MACROD2: variants seen among roughly 807,000 people sequenced by gnomAD.
MACROD2 encodes ADP-ribose glycohydrolase MACROD2.
A neutral mutation model predicts 70.4 loss-of-function variants in MACROD2; 36 were observed. The observed-to-expected ratio is 0.51, with a 90% CI of 0.39 to 0.68. The LOEUF is 0.68. Among genes scored for constraint, MACROD2 ranks in the 30% least tolerant of loss-of-function variants. The probability of loss-of-function intolerance (pLI) is 0.00; values close to 1 mark genes in which losing one functional copy is unlikely to be tolerated. For missense variants in MACROD2, 496 were observed against 538.4 expected (o/e 0.92, Z 0.78); for synonymous variants, 172 against 178.8 (o/e 0.96, Z 0.30).
chr20:14,848,734 TC>T (rs2073168629), intron 5 of MACROD2, among the ~76,000 whole-genome samples: 1 of 152,170 alleles, frequency 6.6e-6, no homozygotes, highest in African/African-American at 2.4e-5. Flanking sequence ...GAGAGGCATT[TC>T]CTGGGAGCTG....
chr20:15,583,260 C>T (rs1281530181), intron 8 of MACROD2, among the ~76,000 whole-genome samples: 1 of 152,182 alleles, frequency 6.6e-6, no homozygotes, highest in Non-Finnish European at 1.5e-5. Flanking sequence ...TCTACAACTT[C>T]TTAGCTTAGA....
chr20:15,920,543 A>AT (rs1423725244), intron 10 of MACROD2, among the ~76,000 whole-genome samples: 1 of 152,054 alleles, frequency 6.6e-6, no homozygotes, highest in Non-Finnish European at 1.5e-5. Flanking sequence ...ATTTGACCTC[A>AT]TTTTTTATTA....
chr20:14,764,116 T>C lies in MACROD2; in HGVS notation c.418+79157T>C, dbSNP rs538404495. Among the ~76,000 whole-genome samples the C allele has an allele frequency of 2.6e-5, 4 of 152,124 alleles. No individual in the cohort carries two copies. The East Asian group carries it at 7.8e-4, about 29-fold the overall frequency. On this transcript the variant is annotated intron_variant, in intron 5 of 17. Coordinates refer to ENST00000684519, the MANE Select transcript of MACROD2 (RefSeq NM_001351661.2). The stretch of plus-strand genomic sequence containing the variant: ...CTGGCATTACCCGACTCCCTTGCCA[T>C]TTCTTATGGTGAGGCATTGGCAGGA...
intron 5 of MACROD2, among the ~76,000 whole-genome samples, chr20:15,147,196 A>C (rs1042863865): frequency 1.3e-5 from 2 of 152,134 alleles, no homozygotes; most frequent in Admixed American, 6.5e-5. Context: ...TTATTTCAGA[A>C]TTTTAATTCA....
intron 5 of MACROD2, among the ~76,000 whole-genome samples, chr20:15,016,406 T>C (rs1446669863): frequency 6.6e-6 from 1 of 152,056 alleles, no homozygotes; most frequent in Non-Finnish European, 1.5e-5. Context: ...CCTGATATGG[T>C]TTGGATGTTT....
At chr20:15,025,782 TG>T (rs2075226417) in intron 5 of MACROD2, among the ~76,000 whole-genome samples, 1 of 152,082 alleles carries the variant, frequency 6.6e-6, no homozygotes, top group Non-Finnish European at 1.5e-5. Flanking sequence ...CAGATGCCAT[TG>T]GCACCTCCCA....
intron 8 of MACROD2, among the ~76,000 whole-genome samples, chr20:15,765,757 C>G (rs2051512503): frequency 6.6e-6 from 1 of 152,190 alleles, no homozygotes; most frequent in Non-Finnish European, 1.5e-5. Context: ...GATATATACA[C>G]ATGTGTGTAG....
intron 8 of MACROD2, among the ~76,000 whole-genome samples, chr20:15,588,474 C>CA (rs935534407): frequency 2.6e-5 from 4 of 151,886 alleles, no homozygotes; most frequent in African/African-American, 2.4e-5. Context: ...AATTTCTCCT[C>CA]AAAAAAAATG....
chr20:14,251,280 GTAC>G (rs1287654655), intron 3 of MACROD2, among the ~76,000 whole-genome samples: 2 of 152,066 alleles, frequency 1.3e-5, no homozygotes, highest in Non-Finnish European at 2.9e-5. Flanking sequence ...TTCGATAAAA[GTAC>G]TTTAAGAAAG....
intron 5 of MACROD2, among the ~76,000 whole-genome samples, chr20:14,880,156 G>C (rs1397169893): frequency 6.6e-6 from 1 of 152,134 alleles, no homozygotes; most frequent in Non-Finnish European, 1.5e-5. Context: ...TGTCATGACA[G>C]GATCTGAGAT....
chr20:15,241,892 T>G (rs895404348), intron 6 of MACROD2, among the ~76,000 whole-genome samples: 1 of 151,976 alleles, frequency 6.6e-6, no homozygotes, highest in Admixed American at 6.6e-5. Flanking sequence ...AAGGAATAGG[T>G]GACATGTTCT....
At chr20:14,135,541 G>A (rs1301934459) in intron 3 of MACROD2, among the ~76,000 whole-genome samples, 2 of 151,960 alleles carry the variant, frequency 1.3e-5, no homozygotes, top group African/African-American at 4.8e-5. Flanking sequence ...GGGCATGGTG[G>A]AACATGCACC....
chr20:14,035,382 A>G (rs1177996975), intron 2 of MACROD2, among the ~76,000 whole-genome samples: 1 of 152,214 alleles, frequency 6.6e-6, no homozygotes, highest in Non-Finnish European at 1.5e-5. Flanking sequence ...GTAGCCTACT[A>G]ATTAGACATT....
At chr20:14,970,993 A>G (rs890708227) in intron 5 of MACROD2, among the ~76,000 whole-genome samples, 1 of 152,194 alleles carries the variant, frequency 6.6e-6, no homozygotes, top group African/African-American at 2.4e-5. Flanking sequence ...TGGGAACTGA[A>G]TACAGGCATC....
chr20:14,701,430 C>A (rs930779798), intron 5 of MACROD2, among the ~76,000 whole-genome samples: 40 of 152,176 alleles, frequency 2.6e-4, no homozygotes, highest in Admixed American at 2.4e-3. Context: ...CTTGATAACT[C>A]TGTCCTTCAA....
At chr20:15,952,537 T>A (rs2065920841) in intron 12 of MACROD2, among the ~76,000 whole-genome samples, 1 of 152,072 alleles carries the variant, frequency 6.6e-6, no homozygotes, top group African/African-American at 2.4e-5. Flanking sequence ...CATCTAATAC[T>A]GACATATACC....
At chr20:14,629,993 A>G (rs993805020) in intron 4 of MACROD2, among the ~76,000 whole-genome samples, 5 of 151,844 alleles carry the variant, frequency 3.3e-5, no homozygotes, top group African/African-American at 1.2e-4. Flanking sequence ...CTATCTATCT[A>G]TCTATCCATC....
chr20:14,716,424 A>T (rs1335000179), intron 5 of MACROD2, among the ~76,000 whole-genome samples: 1 of 152,178 alleles, frequency 6.6e-6, no homozygotes. Context: ...TCTTAAAAAG[A>T]CAATTTCCAT....
intron 5 of MACROD2, among the ~76,000 whole-genome samples, chr20:14,706,654 C>T (rs1243345569): frequency 6.6e-6 from 1 of 152,094 alleles, no homozygotes; most frequent in Non-Finnish European, 1.5e-5. Flanking sequence ...TTTCAAACTG[C>T]AACCAGCCCG....
Sources: gnomAD v4.1 joint callset for allele counts (sites outside exome capture counted in the v4.1 genomes callset) on GRCh38, gnomAD v4.1.1 for gene constraint, MANE v1.5 for transcripts, NCBI Gene and HGNC (gene_info 2026-07-23, HGNC 2026-07-21) for gene names.